The following RANBP3 variants were observed in gnomAD, a reference collection of about 807,000 sequenced individuals.
RANBP3 encodes ran-binding protein 3.
RANBP3 carries 14 observed loss-of-function variants against 77.3 expected under a neutral mutation model. That is an observed-to-expected ratio of 0.18 (90% CI 0.12 to 0.28). The LOEUF is 0.28. Among genes scored for constraint, RANBP3 ranks in the 10% least tolerant of loss-of-function variants. The pLI is 1.00. For synonymous variants in RANBP3, 315 were observed against 312.4 expected (o/e 1.01, Z -0.09); for missense variants, 586 against 752.3 (o/e 0.78, Z 2.59).
intron 3 of RANBP3, among the ~76,000 whole-genome samples, chr19:5,951,107 A>C (rs1397532238): frequency 6.6e-6 from 1 of 152,180 alleles, no homozygotes; most frequent in Non-Finnish European, 1.5e-5. Flanking sequence ...CACATGACTC[A>C]ATTCCTCCTG....
intron 8 of RANBP3, among the ~76,000 whole-genome samples, chr19:5,931,026 G>A (rs576471435): frequency 8.5e-5 from 13 of 152,240 alleles, no homozygotes; most frequent in African/African-American, 2.9e-4. Context: ...GCCGTTCCTC[G>A]GGCCCTAGTG....
At chr19:5,940,265 A>C (rs191080446) in intron 5 of RANBP3, among the ~76,000 whole-genome samples, 6 of 152,214 alleles carry the variant, frequency 3.9e-5, no homozygotes, top group Middle Eastern at 3.4e-3. Context: ...CCTCTTCTCT[A>C]TGCTGGTTTT....
chr19:5,978,137 T>G lies in RANBP3; in HGVS notation c.-55A>C. On this transcript the variant is annotated 5_prime_UTR_variant, in exon 1 of 17. Coordinates refer to ENST00000340578, the MANE Select transcript of RANBP3 (RefSeq NM_007322.3). ...CCGCGCCGGCCCAGGCTCGCCTGCT[T>G]TCTGCCAGAAACTCCCGCGCGTGCG... The G allele has an allele frequency of 6.3e-7, 1 of 1,586,362 alleles. No homozygotes were observed. The highest frequency in any genetic ancestry group is 8.6e-7 in the Non-Finnish European group (1 of 1,168,850).
intron 1 of RANBP3, among the ~76,000 whole-genome samples, chr19:5,964,313 C>A (rs2058438101): frequency 6.6e-6 from 1 of 152,074 alleles, no homozygotes; most frequent in East Asian, 1.9e-4. Flanking sequence ...GCTTGGCCTG[C>A]CCCCCCACCT....
chr19:5,965,416 G>T (rs1234062836), intron 1 of RANBP3, among the ~76,000 whole-genome samples: 1 of 152,192 alleles, frequency 6.6e-6, no homozygotes, highest in Non-Finnish European at 1.5e-5. Context: ...GCAGCCTCCA[G>T]GGACCAGGAC....
intron 1 of RANBP3, among the ~76,000 whole-genome samples, chr19:5,968,549 T>C (rs935907509): frequency 2.0e-5 from 3 of 152,224 alleles, no homozygotes; most frequent in Non-Finnish European, 4.4e-5. Context: ...CCTTAAAGCA[T>C]AGGCCTTGGA....
intron 1 of RANBP3, among the ~76,000 whole-genome samples, chr19:5,961,732 T>TCAAAACAAAA (rs3068973): frequency 0.011 from 1,620 of 149,342 alleles, 21 homozygotes; most frequent in African/African-American, 0.029. Flanking sequence ...AAACTCTGTC[T>TCAAAACAAAA]CAAAACAAAA....
chr19:5,964,469 C>T (rs1172438047), intron 1 of RANBP3, among the ~76,000 whole-genome samples: 4 of 152,198 alleles, frequency 2.6e-5, no homozygotes, highest in Non-Finnish European at 5.9e-5. Flanking sequence ...CCAGCACCCA[C>T]TGTGCACTAA....
rs1464107389 is a variant in RANBP3 at position 5,921,669 on chromosome 19, C to T, written c.1210-348G>A. ...ACTGCTGTGGAAGAGTCTGGCGGCT[C>T]CTCAAACTGCTTAACAAGGAATTAC... On this transcript the variant is annotated intron_variant, in intron 13 of 16. Transcript: ENST00000340578. This position sits in a 1 kb window ranked among gnomAD's most constrained non-coding sequence, Gnocchi z 5.3. Among the ~76,000 whole-genome samples the T allele has an allele frequency of 6.6e-6, 1 of 152,218 alleles. No individual in the cohort carries two copies.
Position 5,921,496 on chromosome 19 carries a change from A to G in RANBP3, c.1210-175T>C, listed in dbSNP as rs73539627. Among the ~76,000 whole-genome samples the G allele has an allele frequency of 0.018, 2,766 of 152,312 alleles. 103 individuals are homozygous for G. Among genetic ancestry groups the G allele is most frequent in the African/African-American group, 0.063 (2,636 of 41,554 alleles). The stretch of plus-strand genomic sequence containing the variant: ...CAAGCTAGAACAGGCTTTACATTGT[A>G]TAAGGGGTATCTGAAATTAAAAGAA... On this transcript the variant is annotated intron_variant, in intron 13 of 16. Coordinates refer to ENST00000340578, the MANE Select transcript of RANBP3 (RefSeq NM_007322.3). This position sits in a 1 kb window ranked among gnomAD's most constrained non-coding sequence, Gnocchi z 5.3.
intron 13 of RANBP3, among the ~76,000 whole-genome samples, chr19:5,922,769 G>A (rs1206381735): frequency 2.0e-5 from 3 of 152,108 alleles, no homozygotes; most frequent in South Asian, 2.1e-4. Flanking sequence ...GGGAAACCCC[G>A]TCTCTACTAA....
intron 1 of RANBP3, among the ~76,000 whole-genome samples, chr19:5,972,470 CT>C (rs1455000969): frequency 6.6e-6 from 1 of 152,158 alleles, no homozygotes; most frequent in East Asian, 1.9e-4. Context: ...CCAGGACCCC[CT>C]AAAACAAAGA....
intron 1 of RANBP3, among the ~76,000 whole-genome samples, chr19:5,968,499 GCATT>G (rs1254636673): frequency 2.0e-5 from 3 of 152,234 alleles, no homozygotes; most frequent in Non-Finnish European, 4.4e-5. Context: ...GGCACTGGTA[GCATT>G]ATTATGCTCG....
intron 1 of RANBP3, among the ~76,000 whole-genome samples, chr19:5,972,553 T>A (rs188611355): frequency 1.3e-5 from 2 of 152,120 alleles, no homozygotes; most frequent in Non-Finnish European, 2.9e-5. Context: ...CAAAGTACCA[T>A]GGAGAGCTAC....
chr19:5,929,733 C>T (rs1250743576), intron 8 of RANBP3, among the ~76,000 whole-genome samples: 3 of 152,136 alleles, frequency 2.0e-5, no homozygotes, highest in East Asian at 1.9e-4. Flanking sequence ...TGTTCATGGG[C>T]GGCTTGGAAA....
At chr19:5,925,511 C>T in intron 10 of RANBP3, 123 bp downstream of exon 10, 1 of 830,060 alleles carries the variant, frequency 1.2e-6, no homozygotes, top group Admixed American at 2.1e-5. Context: ...AGAGAGGGGC[C>T]TGAGAGCAAC....
intron 1 of RANBP3, among the ~76,000 whole-genome samples, chr19:5,960,050 T>C (rs949517412): frequency 1.3e-5 from 2 of 152,156 alleles, no homozygotes; most frequent in African/African-American, 4.8e-5. Flanking sequence ...ATCCTGGGGC[T>C]GCTGAGCTGC....
intron 1 of RANBP3, among the ~76,000 whole-genome samples, chr19:5,960,275 G>A (rs544435112): frequency 9.2e-5 from 14 of 152,288 alleles, no homozygotes; most frequent in Non-Finnish European, 1.5e-4. Context: ...GTTTGAGCTC[G>A]ATTTCTGCCC....
chr19:5,931,363 G>C (rs1348247975), intron 8 of RANBP3, 41 bp downstream of exon 8: 1 of 1,574,500 alleles, frequency 6.4e-7, no homozygotes. Context: ...GCTCCCAAGG[G>C]GCCTAGCATG....
Sources: allele counts gnomAD v4.1 joint callset (sites outside exome capture counted in the v4.1 genomes callset), GRCh38; gene constraint gnomAD v4.1.1; non-coding constraint Gnocchi (gnomAD v3.1); transcripts MANE v1.5; gene names NCBI Gene and HGNC (gene_info 2026-07-23, HGNC 2026-07-21).